Variants in BTBD10 observed in about 807,000 individuals in gnomAD.
BTBD10 encodes BTB domain containing 10, also known as BTB/POZ domain-containing protein 10.
A neutral mutation model predicts 53.2 loss-of-function variants in BTBD10; 21 were observed. The observed-to-expected ratio is 0.39, with a 90% CI of 0.28 to 0.57. BTBD10 has a LOEUF of 0.57. BTBD10 is among the 20% of genes least tolerant of loss of function. The pLI is 0.53. For synonymous variants in BTBD10, 149 were observed against 192.7 expected, an observed-to-expected ratio of 0.77 and a Z score of 1.88; for missense variants, 360 against 594.7, an observed-to-expected ratio of 0.61 and a Z score of 4.10.
At chr11:13,415,444 A>G (rs1277691434) in intron 5 of BTBD10, among the ~76,000 whole-genome samples, 1 of 152,162 alleles carries the variant, frequency 6.6e-6, no homozygotes, top group Non-Finnish European at 1.5e-5. Flanking sequence ...GAAGCCTGTT[A>G]GCAATCATGT....
chr11:13,446,460 A>G (rs1950750922), intron 1 of BTBD10, among the ~76,000 whole-genome samples: 1 of 152,172 alleles, frequency 6.6e-6, no homozygotes, highest in Non-Finnish European at 1.5e-5. Context: ...TTTTTCTCAT[A>G]GTACCTTCTT....
chr11:13,439,908 GAC>G, intron 2 of BTBD10: 4 of 1,532,888 alleles, frequency 2.6e-6, no homozygotes, highest in Non-Finnish European at 2.6e-6. Flanking sequence ...TGCCAAGGTA[GAC>G]ACACAAAAAC....
chr11:13,414,943 A>G (rs971290275), intron 5 of BTBD10, among the ~76,000 whole-genome samples: 1 of 151,992 alleles, frequency 6.6e-6, no homozygotes, highest in Non-Finnish European at 1.5e-5. Context: ...TGCTGCATCA[A>G]TGGAAGTGAA....
rs1455494957 is a variant in BTBD10, at chr11:13,419,547, G to A, written c.497C>T (p.Ser166Leu). The A allele has an allele frequency of 1.2e-6, 2 of 1,614,126 alleles. No homozygotes were observed. The highest frequency in any genetic ancestry group is 1.7e-5 in the Admixed American group (1 of 60,016). Residue 166 changes from serine to leucine, a missense_variant, in exon 4 of 9, where the codon TCA (serine) becomes TTA (leucine). Ser to Leu is a moderately radical substitution (Grantham distance 145). Around this residue, in one of 6 missense-constraint regions of BTBD10, gnomAD observed 109 missense variants for 118.6 expected, o/e 0.92. Coordinates refer to ENST00000278174, the MANE Select transcript of BTBD10 (RefSeq NM_032320.7). Reference protein sequence around the residue: ...AKEGARNIRTSERVTLIVDNT... With the variant: ...AKEGARNIRTLERVTLIVDNT... ...ATCCACTATTAGTGTCACTCGTTCTGACGTTCTTATATTCCGAGCTCCTTC... is the reference window on the plus strand; with the variant it reads ...ATCCACTATTAGTGTCACTCGTTCTAACGTTCTTATATTCCGAGCTCCTTC...
chr11:13,402,638 C>A (rs1232112538), intron 8 of BTBD10, among the ~76,000 whole-genome samples: 1 of 152,080 alleles, frequency 6.6e-6, no homozygotes, highest in Non-Finnish European at 1.5e-5. Context: ...TATTTTAATT[C>A]ATAAAGTAAG....
At chr11:13,417,797 T>A (rs971869193) in intron 4 of BTBD10, among the ~76,000 whole-genome samples, 1 of 152,158 alleles carries the variant, frequency 6.6e-6, no homozygotes, top group Non-Finnish European at 1.5e-5. Context: ...TAGACTTGCA[T>A]CCTAGAACTG....
chr11:13,407,575 C>A (rs1055502145), intron 6 of BTBD10, among the ~76,000 whole-genome samples: 1 of 152,154 alleles, frequency 6.6e-6, no homozygotes, highest in African/African-American at 2.4e-5. Flanking sequence ...CCACCTAATT[C>A]AAATAATTCC....
intron 2 of BTBD10, among the ~76,000 whole-genome samples, chr11:13,438,265 T>C (rs1950579837): frequency 6.6e-6 from 1 of 152,104 alleles, no homozygotes; most frequent in Admixed American, 6.5e-5. Flanking sequence ...ATGGTTATCT[T>C]AGCTATTTGC....
intron 1 of BTBD10, among the ~76,000 whole-genome samples, chr11:13,457,683 G>A (rs1951000091): frequency 6.6e-6 from 1 of 152,180 alleles, no homozygotes; most frequent in Non-Finnish European, 1.5e-5. Flanking sequence ...TAATAGGGAT[G>A]TAATCAAGAC....
intron 2 of BTBD10, among the ~76,000 whole-genome samples, chr11:13,442,902 T>C (rs1354238304): frequency 6.6e-6 from 1 of 152,180 alleles, no homozygotes; most frequent in African/African-American, 2.4e-5. Flanking sequence ...CCTAAGCATA[T>C]GGGACAGGAG....
intron 8 of BTBD10, among the ~76,000 whole-genome samples, chr11:13,391,996 C>G (rs964518627): frequency 2.0e-5 from 3 of 152,148 alleles, no homozygotes; most frequent in Non-Finnish European, 2.9e-5. Context: ...ACAGGGCAAG[C>G]CTGCCCCTGA....
At chr11:13,413,096 T>C (rs903924380) in intron 6 of BTBD10, among the ~76,000 whole-genome samples, 1 of 152,188 alleles carries the variant, frequency 6.6e-6, no homozygotes, top group East Asian at 1.9e-4. Flanking sequence ...TCTTTAATGA[T>C]AGGTATTGTT....
At chr11:13,420,534 T>C (rs549681806) in intron 3 of BTBD10, among the ~76,000 whole-genome samples, 2 of 152,260 alleles carry the variant, frequency 1.3e-5, no homozygotes, top group South Asian at 4.1e-4. Context: ...AAACCAAGAT[T>C]TTGTGATATA....
chr11:13,448,704 T>A (rs1950794799), intron 1 of BTBD10, among the ~76,000 whole-genome samples: 2 of 152,124 alleles, frequency 1.3e-5, no homozygotes, highest in Admixed American at 1.3e-4. Context: ...TTACCACCAT[T>A]CAATTCCTTA....
chr11:13,397,520 G>T (rs1949588026), intron 8 of BTBD10, among the ~76,000 whole-genome samples: 1 of 152,074 alleles, frequency 6.6e-6, no homozygotes, highest in Non-Finnish European at 1.5e-5. Flanking sequence ...TTTTTGAAGG[G>T]TTTTTTGTGT....
intron 2 of BTBD10, among the ~76,000 whole-genome samples, chr11:13,423,622 C>T (rs915137157): frequency 1.2e-4 from 18 of 152,162 alleles, no homozygotes; most frequent in Admixed American, 6.5e-5. Context: ...TACTGCTCTC[C>T]TTTAGCAAAA....
intron 8 of BTBD10, among the ~76,000 whole-genome samples, chr11:13,396,177 A>C (rs1039193526): frequency 6.6e-6 from 1 of 152,050 alleles, no homozygotes; most frequent in African/African-American, 2.4e-5. Flanking sequence ...ATGAGCATGG[A>C]ATGTTCTTCC....
In BTBD10 at chr11:13,425,806, C is replaced by A. The variant is rs542138629; in HGVS notation, c.102-3968G>T. Among the ~76,000 whole-genome samples the A allele has an allele frequency of 1.8e-4, 27 of 152,226 alleles. No homozygotes were observed. The East Asian group carries it at 5.0e-3, about 28-fold the overall frequency. On this transcript the variant is annotated intron_variant, in intron 2 of 8. Transcript: ENST00000278174. ...ATCACCCTGAGTTGCTCACTACACACTGTATACATGTATTGAAATATCACT... is the reference window on the plus strand; with the variant it reads ...ATCACCCTGAGTTGCTCACTACACAATGTATACATGTATTGAAATATCACT...
chr11:13,459,014 C>CT (rs1464613469), intron 1 of BTBD10, among the ~76,000 whole-genome samples: 16 of 151,268 alleles, frequency 1.1e-4, no homozygotes, highest in African/African-American at 3.6e-4. Flanking sequence ...TGTCAGGTAT[C>CT]TGAGCATTAA....
Sources: gnomAD v4.1 joint callset for allele counts (sites outside exome capture counted in the v4.1 genomes callset) on GRCh38, gnomAD v4.1.1 for gene constraint, gnomAD v4.1.1 regional missense constraint, MANE v1.5 for transcripts, NCBI Gene and HGNC (gene_info 2026-07-23, HGNC 2026-07-21) for gene names.